LPP: variants seen among roughly 807,000 people sequenced by gnomAD.
LPP encodes lipoma-preferred partner.
In LPP, 38 loss-of-function variants were observed where a neutral mutation model predicts 60.4. The ratio of observed to expected loss-of-function variants is 0.63; its 90% confidence interval spans 0.49 to 0.83. LPP has a LOEUF of 0.83. Among genes scored for constraint, LPP ranks in the 40% least tolerant of loss-of-function variants. LPP has a pLI of 0.00. For synonymous variants in LPP, 328 were observed against 290.8 expected (o/e 1.13, Z -1.30); for missense variants, 902 against 783.6 (o/e 1.15, Z -1.80).
chr3:188,801,134 G>A (rs1404827675), intron 9 of LPP, among the ~76,000 whole-genome samples: 1 of 152,028 alleles, frequency 6.6e-6, no homozygotes, highest in African/African-American at 2.4e-5. Flanking sequence ...ATTAAACAAA[G>A]GTTCCCGGGG....
chr3:188,407,952 C>T (rs1784061547), intron 4 of LPP, among the ~76,000 whole-genome samples: 1 of 151,828 alleles, frequency 6.6e-6, no homozygotes. Flanking sequence ...CCATGCTTGA[C>T]TAATTTTGTA....
At chr3:188,368,170 G>T (rs1419350272) in intron 3 of LPP, among the ~76,000 whole-genome samples, 5 of 152,176 alleles carry the variant, frequency 3.3e-5, no homozygotes, top group African/African-American at 1.2e-4. Context: ...CCAATTTTGT[G>T]AATTAGCACT....
intron 2 of LPP, among the ~76,000 whole-genome samples, chr3:188,276,999 G>A (rs1237068843): frequency 1.4e-5 from 2 of 139,136 alleles, no homozygotes; most frequent in Non-Finnish European, 3.0e-5. Flanking sequence ...TGCTTCCTGG[G>A]TTCAAGTGAT....
chr3:188,291,438 G>A (rs536490759), intron 2 of LPP, among the ~76,000 whole-genome samples: 1 of 152,172 alleles, frequency 6.6e-6, no homozygotes, highest in East Asian at 1.9e-4. Flanking sequence ...AGGAGATCGA[G>A]ACCATCCTGG....
chr3:188,541,926 T>C (rs922198057), intron 6 of LPP, among the ~76,000 whole-genome samples: 1 of 151,916 alleles, frequency 6.6e-6, no homozygotes, highest in African/African-American at 2.4e-5. Flanking sequence ...ACAAAACAAA[T>C]AAAAATTGTA....
At chr3:188,831,231 C>T (rs1757058514) in intron 9 of LPP, among the ~76,000 whole-genome samples, 1 of 152,192 alleles carries the variant, frequency 6.6e-6, no homozygotes, top group Admixed American at 6.5e-5. Flanking sequence ...TCCCCAAAGA[C>T]ATGATGACAC....
chr3:188,704,970 C>T (rs1249095972), intron 7 of LPP, among the ~76,000 whole-genome samples: 1 of 152,124 alleles, frequency 6.6e-6, no homozygotes, highest in Non-Finnish European at 1.5e-5. Context: ...GTTTTTCCCA[C>T]TCACACCAAA....
chr3:188,866,933 A>G (rs1302924907), intron 10 of LPP, among the ~76,000 whole-genome samples: 2 of 152,308 alleles, frequency 1.3e-5, no homozygotes, highest in South Asian at 2.1e-4. Flanking sequence ...GTTTCATGCC[A>G]TTGTCAACAT....
At chr3:188,252,031 GATAT>G (rs10579787) in intron 2 of LPP, among the ~76,000 whole-genome samples, 2,774 of 40,964 alleles carry the variant, frequency 0.068, 115 homozygotes, top group Middle Eastern at 0.12. Flanking sequence ...TTTTAATCCT[GATAT>G]ATATATATAT....
At chr3:188,599,748 A>AGGGG (rs200431656) in intron 6 of LPP, among the ~76,000 whole-genome samples, 4 of 38,388 alleles carry the variant, frequency 1.0e-4, no homozygotes, top group East Asian at 2.6e-3. Context: ...GGGACTCGTT[A>AGGGG]GGGGTGTGTG....
chr3:188,560,278 A>G (rs1830371512), intron 6 of LPP, among the ~76,000 whole-genome samples: 1 of 152,012 alleles, frequency 6.6e-6, no homozygotes, highest in South Asian at 2.1e-4. Flanking sequence ...GTGCTATGCT[A>G]CCACCAAGGA....
At chr3:188,637,986 A>G (rs1849187193) in intron 7 of LPP, among the ~76,000 whole-genome samples, 1 of 150,318 alleles carries the variant, frequency 6.7e-6, no homozygotes, top group Non-Finnish European at 1.5e-5. Context: ...TCAATAGAAA[A>G]AGAGGGAATC....
intron 9 of LPP, among the ~76,000 whole-genome samples, chr3:188,813,163 G>T (rs1577720305): frequency 1.3e-5 from 2 of 152,020 alleles, no homozygotes; most frequent in Non-Finnish European, 2.9e-5. Flanking sequence ...TAGAAAAATG[G>T]TCTTTGAATA....
intron 7 of LPP, among the ~76,000 whole-genome samples, chr3:188,663,151 T>C (rs565359171): frequency 1.8e-4 from 28 of 152,310 alleles, no homozygotes; most frequent in Non-Finnish European, 2.5e-4. Context: ...ATTAAAATCA[T>C]TGGAAGGCAT....
intron 2 of LPP, among the ~76,000 whole-genome samples, chr3:188,276,272 G>C (rs148732272): frequency 6.6e-6 from 1 of 152,198 alleles, no homozygotes; most frequent in Non-Finnish European, 1.5e-5. Flanking sequence ...TCTCTTTGTT[G>C]TGTCTGCTGT....
chr3:188,545,758 T>C (rs74754800), intron 6 of LPP, among the ~76,000 whole-genome samples: 3,185 of 152,188 alleles, frequency 0.021, 103 homozygotes, highest in African/African-American at 0.069. Flanking sequence ...GAGAGAAAGG[T>C]AGAAATGCCA....
intron 9 of LPP, among the ~76,000 whole-genome samples, chr3:188,809,045 G>A (rs1750061819): frequency 6.6e-6 from 1 of 152,164 alleles, no homozygotes; most frequent in African/African-American, 2.4e-5. Context: ...GTATTCCATG[G>A]TGTACATGTA....
intron 7 of LPP, among the ~76,000 whole-genome samples, chr3:188,645,350 A>G (rs1382131580): frequency 6.6e-6 from 1 of 152,052 alleles, no homozygotes; most frequent in Non-Finnish European, 1.5e-5. Context: ...AGATACGTTG[A>G]AGACAATACT....
chr3:188,335,873 G>A (rs12636190), intron 2 of LPP, among the ~76,000 whole-genome samples: 18,013 of 152,074 alleles, frequency 0.12, 1,505 homozygotes, highest in East Asian at 0.34. Flanking sequence ...TTCTGGAGTG[G>A]TTTTCATAAA....
Sources: gnomAD v4.1 joint callset for allele counts (sites outside exome capture counted in the v4.1 genomes callset) on GRCh38, gnomAD v4.1.1 for gene constraint, MANE v1.5 for transcripts, NCBI Gene and HGNC (gene_info 2026-07-23, HGNC 2026-07-21) for gene names.